The following EYS variants were observed in gnomAD, a reference collection of about 807,000 sequenced individuals.
EYS encodes the protein protein eyes shut homolog.
A neutral mutation model predicts 282.1 loss-of-function variants in EYS; 250 were observed. The observed-to-expected ratio is 0.89, with a 90% confidence interval of 0.80 to 0.98. The LOEUF is 0.98. Among genes scored for constraint, EYS ranks in the 50% least tolerant of loss-of-function variants. The pLI, the probability that EYS is intolerant of heterozygous loss-of-function variation, is 0.00. For synonymous variants in EYS, 1,355 were observed against 1,282.9 expected (o/e 1.06, Z -1.20); for missense variants, 4,016 against 3,709.0 (o/e 1.08, Z -2.15).
intron 26 of EYS, among the ~76,000 whole-genome samples, chr6:64,478,160 TCTA>T (rs1316239436): frequency 6.6e-6 from 1 of 152,046 alleles, no homozygotes; most frequent in African/African-American, 2.4e-5. Flanking sequence ...AACCCTACCA[TCTA>T]TTAAAAAAGG....
intron 5 of EYS, among the ~76,000 whole-genome samples, chr6:65,461,446 G>A (rs1409174623): frequency 6.6e-6 from 1 of 152,050 alleles, no homozygotes; most frequent in African/African-American, 2.4e-5. Context: ...ATAGTGCTGA[G>A]CTACATCACC....
intron 18 of EYS, among the ~76,000 whole-genome samples, chr6:64,901,733 A>G (rs1050699991): frequency 3.3e-5 from 5 of 152,114 alleles, no homozygotes; most frequent in Admixed American, 6.6e-5. Flanking sequence ...GTTGGTATAT[A>G]TTTAATATTA....
At chr6:64,906,756 A>G (rs1350775529) in intron 16 of EYS, among the ~76,000 whole-genome samples, 1 of 152,226 alleles carries the variant, frequency 6.6e-6, no homozygotes, top group Non-Finnish European at 1.5e-5. Flanking sequence ...GAAGACATAC[A>G]AAGTAGCTAT....
chr6:65,339,764 C>T (rs888540285), intron 10 of EYS, among the ~76,000 whole-genome samples: 1 of 151,104 alleles, frequency 6.6e-6, no homozygotes, highest in Non-Finnish European at 1.5e-5. Flanking sequence ...GTAGAGTACA[C>T]AGGGAAGTAA....
In EYS at chr6:65,490,503, T is replaced by C. The variant is rs577246417; in HGVS notation, c.862+91A>G. 22 of 782,458 alleles carry C rather than the reference T, an allele frequency of 2.8e-5. No homozygotes were observed. In the African/African-American group the frequency reaches 3.6e-4, roughly 13 times the overall value. The allele number at this position is 782,458 out of a possible 1,614,324, so 48.5% of individuals were successfully genotyped here. A position where few individuals can be genotyped will look rare whatever the true frequency, so the allele number is the denominator to read the frequency against. On this transcript the variant is annotated intron_variant, in intron 5 of 42. Transcript: ENST00000503581. ...TACCTTCTGAAATTGTATTTTTCAA[T>C]AATAAAGGAAATATTTCACATTTAA...
chr6:64,302,741 C>T (rs1582564181), intron 30 of EYS, among the ~76,000 whole-genome samples: 1 of 152,180 alleles, frequency 6.6e-6, no homozygotes, highest in East Asian at 1.9e-4. Context: ...GCCTTATTTA[C>T]CCTTAATTTT....
chr6:65,493,858 T>G (rs983947085), intron 4 of EYS, among the ~76,000 whole-genome samples: 5 of 152,188 alleles, frequency 3.3e-5, no homozygotes, highest in Admixed American at 3.3e-4. Flanking sequence ...AACATCCATT[T>G]AAAACATTGC....
intron 18 of EYS, among the ~76,000 whole-genome samples, chr6:64,897,616 A>G (rs900255113): frequency 1.3e-5 from 2 of 152,228 alleles, no homozygotes; most frequent in Non-Finnish European, 2.9e-5. Context: ...TGACGAATTG[A>G]CAAAAGTAGG....
chr6:65,337,029 A>G (rs892617986), intron 10 of EYS, among the ~76,000 whole-genome samples: 1 of 151,498 alleles, frequency 6.6e-6, no homozygotes, highest in African/African-American at 2.4e-5. Flanking sequence ...TTCATAGCCA[A>G]CAAGTTATTT....
At chr6:65,659,847 G>T (rs1392447870) in intron 1 of EYS, among the ~76,000 whole-genome samples, 1 of 151,434 alleles carries the variant, frequency 6.6e-6, no homozygotes, top group Non-Finnish European at 1.5e-5. Context: ...TTTTTAGGTG[G>T]TTAATAAAAT....
chr6:63,754,562 G>A (rs1769428232), intron 41 of EYS, among the ~76,000 whole-genome samples: 1 of 152,150 alleles, frequency 6.6e-6, no homozygotes, highest in Admixed American at 6.5e-5. Flanking sequence ...TGGCATATAT[G>A]TGCCACATTT....
chr6:65,332,293 C>T, intron 11 of EYS: 2 of 704,368 alleles, frequency 2.8e-6, no homozygotes, highest in Non-Finnish European at 2.6e-6. Flanking sequence ...CATTAAATTA[C>T]ATTAATTGAT....
rs1246043752 is a variant in EYS at position 64,925,048 on chromosome 6, G to C, written c.2382-12305C>G. 2.0e-5 allele frequency among the ~76,000 whole-genome samples: 3 copies of C among 152,128 alleles called. No homozygotes were observed. In the East Asian group the frequency reaches 5.8e-4, roughly 29 times the overall value. On this transcript the variant is annotated intron_variant, in intron 15 of 42. Transcript: ENST00000503581. ...TGTATTAGTTCATTTTCATGCTGCT[G>C]ATAAAGATATACCCGAGACTGGGAA...
At chr6:65,265,261 A>T (rs1187484972) in intron 12 of EYS, among the ~76,000 whole-genome samples, 2 of 152,082 alleles carry the variant, frequency 1.3e-5, no homozygotes, top group African/African-American at 4.8e-5. Flanking sequence ...TTGGAAAAAG[A>T]AATCTCTAAA....
chr6:64,564,991 A>C (rs564036868), intron 26 of EYS, among the ~76,000 whole-genome samples: 2 of 152,140 alleles, frequency 1.3e-5, no homozygotes, highest in East Asian at 3.9e-4. Flanking sequence ...AGAAATGTGT[A>C]TTCAGATCCT....
chr6:65,017,145 T>A (rs1188384310), intron 13 of EYS, among the ~76,000 whole-genome samples: 1 of 152,150 alleles, frequency 6.6e-6, no homozygotes, highest in Non-Finnish European at 1.5e-5. Flanking sequence ...AATCTAACAA[T>A]GATTAGTGAG....
In EYS at chr6:65,615,552, C is replaced by A. The variant is rs80166282; in HGVS notation, c.-333+24226G>T. Among the ~76,000 whole-genome samples the A allele has an allele frequency of 3.8e-4, 57 of 151,756 alleles. No individual in the cohort carries two copies. The East Asian group carries it at 8.7e-3, about 23-fold the overall frequency. On this transcript the variant is annotated intron_variant, in intron 2 of 42. Coordinates refer to ENST00000503581, the MANE Select transcript of EYS (RefSeq NM_001142800.2). ...TTTAATTTTTTAAATATTATGTTTT[C>A]TTGAGACCAGATATATATATTTGAT...
intron 13 of EYS, among the ~76,000 whole-genome samples, chr6:65,033,361 T>C (rs1448671059): frequency 6.6e-6 from 1 of 152,158 alleles, no homozygotes; most frequent in African/African-American, 2.4e-5. Flanking sequence ...CAAGTGCCAA[T>C]AGCCAGAGCA....
At chr6:64,044,701 C>A (rs1030821456) in intron 33 of EYS, among the ~76,000 whole-genome samples, 21 of 152,046 alleles carry the variant, frequency 1.4e-4, no homozygotes, top group Admixed American at 2.0e-4. Context: ...TTCTTTTTTA[C>A]TGTTGCTTAT....
Sources: gnomAD v4.1 joint callset for allele counts (sites outside exome capture counted in the v4.1 genomes callset) on GRCh38, gnomAD v4.1.1 for gene constraint, MANE v1.5 for transcripts, NCBI Gene and HGNC (gene_info 2026-07-23, HGNC 2026-07-21) for gene names.